Variants in CNTN5 observed in about 807,000 individuals in gnomAD.
CNTN5 encodes the protein contactin 5, also known as contactin-5.
CNTN5 carries 77 observed loss-of-function variants against 129.1 expected under a neutral mutation model. The ratio of observed to expected loss-of-function variants is 0.60; its 90% CI spans 0.50 to 0.72. CNTN5 has a LOEUF of 0.72. Ranked by LOEUF, CNTN5 falls within the 30% of genes least tolerant of loss-of-function variation. The pLI is 0.00. For synonymous variants in CNTN5, 509 were observed against 465.6 expected, an observed-to-expected ratio of 1.09 and a Z score of -1.20; for missense variants, 1,478 against 1,328.8, an observed-to-expected ratio of 1.11 and a Z score of -1.75.
chr11:99,942,242 A>T (rs2136115371), intron 7 of CNTN5, among the ~76,000 whole-genome samples: 1 of 152,106 alleles, frequency 6.6e-6, no homozygotes, highest in East Asian at 1.9e-4. Flanking sequence ...TGAGTATGTG[A>T]TCTGGTAGGG....
At chr11:99,630,160 A>G (rs1456024755) in intron 3 of CNTN5, among the ~76,000 whole-genome samples, 2 of 151,964 alleles carry the variant, frequency 1.3e-5, no homozygotes, top group African/African-American at 4.8e-5. Flanking sequence ...ATGGATTTGT[A>G]CTGATTAAAA....
intron 13 of CNTN5, among the ~76,000 whole-genome samples, chr11:100,139,940 C>A (rs1053100435): frequency 1.3e-5 from 2 of 152,048 alleles, no homozygotes; most frequent in Non-Finnish European, 2.9e-5. Context: ...AAACTGATGG[C>A]TAAGAATATA....
chr11:100,139,801 C>G (rs961061565), intron 13 of CNTN5, among the ~76,000 whole-genome samples: 4 of 151,936 alleles, frequency 2.6e-5, no homozygotes, highest in African/African-American at 9.7e-5. Flanking sequence ...GAGGTGGAGG[C>G]TGCGGTGAGC....
chr11:99,718,480 T>A (rs999999640), intron 3 of CNTN5, among the ~76,000 whole-genome samples: 1 of 152,094 alleles, frequency 6.6e-6, no homozygotes, highest in African/African-American at 2.4e-5. Context: ...GAACCAAATA[T>A]AGACAAGTAA....
At chr11:99,779,528 A>G (rs1418245989) in intron 3 of CNTN5, among the ~76,000 whole-genome samples, 5 of 151,978 alleles carry the variant, frequency 3.3e-5, no homozygotes, top group African/African-American at 1.2e-4. Flanking sequence ...TTCCCTTAGA[A>G]TAATTGTAAT....
At chr11:99,360,777 A>G (rs1939054718) in intron 2 of CNTN5, among the ~76,000 whole-genome samples, 1 of 152,158 alleles carries the variant, frequency 6.6e-6, no homozygotes, top group South Asian at 2.1e-4. Flanking sequence ...TTGCTTGGCC[A>G]CACCCTTGGT....
intron 1 of CNTN5, among the ~76,000 whole-genome samples, chr11:99,210,691 G>A (rs529554684): frequency 2.0e-5 from 3 of 151,732 alleles, no homozygotes; most frequent in African/African-American, 7.3e-5. Flanking sequence ...CAAATCCAGT[G>A]TATAAATTAT....
chr11:99,613,225 G>A (rs1950644667), intron 3 of CNTN5, among the ~76,000 whole-genome samples: 1 of 152,224 alleles, frequency 6.6e-6, no homozygotes, highest in Non-Finnish European at 1.5e-5. Flanking sequence ...CCAGGTGGAG[G>A]TAGTTAAATC....
At chr11:99,764,046 G>T (rs1944672769) in intron 3 of CNTN5, among the ~76,000 whole-genome samples, 1 of 151,936 alleles carries the variant, frequency 6.6e-6, no homozygotes, top group Non-Finnish European at 1.5e-5. Flanking sequence ...TACTGGAAAT[G>T]ATATCATTAG....
intron 2 of CNTN5, among the ~76,000 whole-genome samples, chr11:99,360,040 C>A (rs1302702271): frequency 6.6e-6 from 1 of 151,932 alleles, no homozygotes; most frequent in Non-Finnish European, 1.5e-5. Flanking sequence ...CCACTACATA[C>A]TCATAAAAAT....
intron 8 of CNTN5, among the ~76,000 whole-genome samples, chr11:99,967,749 G>T (rs774119813): frequency 6.6e-6 from 1 of 152,062 alleles, no homozygotes; most frequent in Non-Finnish European, 1.5e-5. Flanking sequence ...AAACACCTGT[G>T]CCTCTCCCTG....
At position 100,356,461 on chromosome 11, in the gene CNTN5, T is replaced by G; in HGVS notation, c.*241T>G. The G allele has an allele frequency of 2.0e-6, 1 of 492,476 alleles. No homozygotes were observed. Among genetic ancestry groups the G allele is most frequent in the Non-Finnish European group, 3.6e-6 (1 of 278,082 alleles). The allele number at this position is 492,476 out of a possible 1,614,324, so 30.5% of individuals were successfully genotyped here. A position where few individuals can be genotyped will look rare whatever the true frequency, so the allele number is the denominator to read the frequency against. ...GTAAAAATATGCAGATTGTATGTAA[T>G]GAATTTTTGTAAACAAAGGTAATTT... On this transcript the variant is annotated 3_prime_UTR_variant, in exon 25 of 25. Transcript: ENST00000524871.
intron 13 of CNTN5, among the ~76,000 whole-genome samples, chr11:100,096,304 T>A (rs2138031968): frequency 6.6e-6 from 1 of 152,238 alleles, no homozygotes; most frequent in East Asian, 1.9e-4. Flanking sequence ...TAATGACACC[T>A]ATTTCATTGG....
chr11:99,612,859 T>C (rs891768454), intron 3 of CNTN5, among the ~76,000 whole-genome samples: 6 of 152,128 alleles, frequency 3.9e-5, no homozygotes, highest in Non-Finnish European at 5.9e-5. Flanking sequence ...AACACTGTTG[T>C]GAAGTGAAGT....
chr11:100,171,495 T>A (rs1221456203), intron 13 of CNTN5, among the ~76,000 whole-genome samples: 2 of 152,046 alleles, frequency 1.3e-5, no homozygotes, highest in African/African-American at 4.8e-5. Context: ...AGGCTTCATG[T>A]CCAAGTTAAT....
intron 3 of CNTN5, among the ~76,000 whole-genome samples, chr11:99,620,719 C>G (rs1455345373): frequency 6.6e-6 from 1 of 151,814 alleles, no homozygotes; most frequent in Non-Finnish European, 1.5e-5. Context: ...CGCTCCCCCC[C>G]GGCCATCAGC....
chr11:100,057,517 T>C (rs1386258391), intron 9 of CNTN5, among the ~76,000 whole-genome samples: 2 of 151,858 alleles, frequency 1.3e-5, no homozygotes, highest in African/African-American at 4.8e-5. Context: ...TTCATTCACT[T>C]ATTTCATAAG....
At chr11:99,671,120 C>A (rs1953021561) in intron 3 of CNTN5, among the ~76,000 whole-genome samples, 1 of 149,692 alleles carries the variant, frequency 6.7e-6, no homozygotes, top group Non-Finnish European at 1.5e-5. Flanking sequence ...CTCTTGCTCT[C>A]TCTCTCTTGG....
chr11:99,828,249 G>C (rs1187689807), intron 4 of CNTN5, among the ~76,000 whole-genome samples: 1 of 152,136 alleles, frequency 6.6e-6, no homozygotes, highest in Non-Finnish European at 1.5e-5. Context: ...AATGGCTACT[G>C]CTTCTTTGTA....
Sources: allele counts gnomAD v4.1 joint callset (sites outside exome capture counted in the v4.1 genomes callset), GRCh38; gene constraint gnomAD v4.1.1; transcripts MANE v1.5; gene names NCBI Gene and HGNC (gene_info 2026-07-23, HGNC 2026-07-21).